RIMS3: variants seen among roughly 807,000 people sequenced by gnomAD.
The protein encoded by RIMS3 is regulating synaptic membrane exocytosis protein 3.
In RIMS3, 15 loss-of-function variants were observed where a neutral mutation model predicts 29.2. The observed-to-expected ratio is 0.51, with a 90% CI of 0.34 to 0.79. RIMS3 has a LOEUF of 0.79. Among genes scored for constraint, RIMS3 ranks in the 30% least tolerant of loss-of-function variants. The pLI is 0.01. For synonymous variants in RIMS3, 161 were observed against 170.1 expected (o/e 0.95, Z 0.41); for missense variants, 342 against 421.4 (o/e 0.81, Z 1.65).
chr1:40,625,914 C>T lies in RIMS3; in HGVS notation c.*603G>A, dbSNP rs568067001. ...GGTGGGCATGCTACATGCTGCAGAACGCATTCAGTGGCAGGAAGAGCTGCC... is the reference window on the plus strand; with the variant it reads ...GGTGGGCATGCTACATGCTGCAGAATGCATTCAGTGGCAGGAAGAGCTGCC... On this transcript the variant is annotated 3_prime_UTR_variant, in exon 8 of 8. Coordinates refer to ENST00000372684, the MANE Select transcript of RIMS3 (RefSeq NM_014747.3). 25 of 168,112 alleles carry T rather than the reference C, an allele frequency of 1.5e-4. No homozygotes were observed. The highest frequency in any genetic ancestry group is 4.8e-4 in the East Asian group (3 of 6,212). 10.4% of individuals were successfully genotyped at this position (168,112 alleles called of 1,614,324 possible).
At position 40,635,856 on chromosome 1, in the gene RIMS3, G is replaced by T; in HGVS notation, c.359+60C>A. ...GGGAGGCTTTCCCACCCTGCCCAGT[G>T]GCTCTGTGACTGGAGGACCGAGGAG... On this transcript the variant is annotated intron_variant, in intron 4 of 7. Coordinates refer to ENST00000372684, the MANE Select transcript of RIMS3 (RefSeq NM_014747.3). This position sits in a 1 kb window ranked among gnomAD's most constrained non-coding sequence, Gnocchi z 4.1. The T allele has an allele frequency of 1.9e-6, 3 of 1,591,694 alleles. No homozygotes were observed. Among genetic ancestry groups the T allele is most frequent in the South Asian group, 1.1e-5 (1 of 90,338 alleles).
intron 1 of RIMS3, among the ~76,000 whole-genome samples, chr1:40,655,152 C>T (rs916162903): frequency 6.6e-6 from 1 of 152,158 alleles, no homozygotes; most frequent in Non-Finnish European, 1.5e-5. Flanking sequence ...GTGGACAAAG[C>T]GGGGAGTAGG....
the RIMS3 span, chr1:40,691,962 T>G: frequency 3.2e-6 from 1 of 311,532 alleles, no homozygotes; most frequent in Admixed American, 4.8e-5. Flanking sequence ...AGACCTCACT[T>G]CCTCGCGCGG....
chr1:40,627,258 T>C (rs1646460031), intron 7 of RIMS3, among the ~76,000 whole-genome samples: 1 of 152,222 alleles, frequency 6.6e-6, no homozygotes, highest in Admixed American at 6.5e-5. Context: ...AGATGGAGTC[T>C]CACTCTGTTG....
At position 40,633,178 on chromosome 1, in the gene RIMS3, G is replaced by A. The variant is rs369405082; in HGVS notation, c.363C>T (p.Phe121=). 52 of 1,613,498 alleles carry A rather than the reference G, an allele frequency of 3.2e-5. No individual in the cohort carries two copies. The Middle Eastern group carries it at 4.9e-4, about 15-fold the overall frequency. ...STNSNSSDGT[F]IFPTTRLGAE... is the part of the protein sequence containing the mutation. ...CCCCTAGCCGGGTAGTGGGGAAGAT[G>A]AACCTGCAGGAGGAGGCAGAGGGAC... The change falls in exon 5 of 8, where the codon TTC becomes TTT. Residue 121 remains phenylalanine (F), a synonymous_variant. Coordinates refer to ENST00000372684, the MANE Select transcript of RIMS3 (RefSeq NM_014747.3).
In RIMS3 at chr1:40,650,450, C is replaced by G. The variant is rs551501674; in HGVS notation, c.-206-2608G>C. 2.6e-5 allele frequency among the ~76,000 whole-genome samples: 4 copies of G among 152,326 alleles called. No homozygotes were observed. In the East Asian group the frequency reaches 5.8e-4, roughly 22 times the overall value. On this transcript the variant is annotated intron_variant, in intron 1 of 7. Coordinates refer to ENST00000372684, the MANE Select transcript of RIMS3 (RefSeq NM_014747.3). ...GCAGGACAAAGGAGAAGGCCCTTGC[C>G]AAGGCCCACAAGCCCATGTGAACTG...
chr1:40,638,350 T>C (rs961101680), intron 3 of RIMS3, among the ~76,000 whole-genome samples: 5 of 152,174 alleles, frequency 3.3e-5, no homozygotes, highest in Admixed American at 2.0e-4. Context: ...ACTGGCTTCA[T>C]ACATGTCCAT....
the RIMS3 span, among the ~76,000 whole-genome samples, chr1:40,678,630 C>T: frequency 6.6e-6 from 1 of 152,298 alleles, no homozygotes; most frequent in African/African-American, 2.4e-5. Context: ...CTCCATAACA[C>T]AGTTCTAATA....
upstream of RIMS3, chr1:40,669,313 GTCTT>G (rs1195248155): frequency 1.3e-5 from 2 of 152,116 alleles, no homozygotes; most frequent in African/African-American, 4.8e-5. Flanking sequence ...AAAGTGACTT[GTCTT>G]TCTAAGTGGT....
chr1:40,631,463 A>T (rs962995719), intron 5 of RIMS3, among the ~76,000 whole-genome samples: 1 of 152,224 alleles, frequency 6.6e-6, no homozygotes, highest in Non-Finnish European at 1.5e-5. Flanking sequence ...GCCTGAGTTC[A>T]GGAGTTCAAG....
At position 40,625,591 on chromosome 1, in the gene RIMS3, G is replaced by T. The variant is rs1646447974; in HGVS notation, c.*926C>A. The T allele has an allele frequency of 6.6e-6, 1 of 152,230 alleles. No homozygotes were observed. The highest frequency in any genetic ancestry group is 2.4e-5 in the African/African-American group (1 of 41,428). 9.4% of individuals were successfully genotyped at this position (152,230 alleles called of 1,614,324 possible). ...GCCCACCAGGAATGAGCCCTGAGGG[G>T]GTCAGGGCCACCCTCAGGGCCTCAG... On this transcript the variant is annotated 3_prime_UTR_variant, in exon 8 of 8. Transcript: ENST00000372684.
At chr1:40,662,731 G>C (rs1642369832) in intron 1 of RIMS3, among the ~76,000 whole-genome samples, 2 of 152,352 alleles carry the variant, frequency 1.3e-5, no homozygotes, top group South Asian at 4.1e-4. Flanking sequence ...GCCAGCTCTA[G>C]ACTAGGTACT....
chr1:40,665,685 A>C (rs1191790903), upstream of RIMS3: 6 of 152,640 alleles, frequency 3.9e-5, no homozygotes, highest in Non-Finnish European at 7.3e-5. Context: ...TGCAAAGCCC[A>C]AGCTTGGGCC....
chr1:40,638,501 T>C (rs1360302467), intron 3 of RIMS3, among the ~76,000 whole-genome samples: 1 of 152,222 alleles, frequency 6.6e-6, no homozygotes, highest in African/African-American at 2.4e-5. Flanking sequence ...CCATCCCATC[T>C]GTCCCATCAC....
At chr1:40,670,171 A>G (rs1642473563), upstream of RIMS3, among the ~76,000 whole-genome samples, 1 of 152,222 alleles carries the variant, frequency 6.6e-6, no homozygotes, top group Non-Finnish European at 1.5e-5. Flanking sequence ...TTCATTCAAC[A>G]AATATCAAGT....
chr1:40,638,789 G>A (rs2148348754), intron 3 of RIMS3, among the ~76,000 whole-genome samples: 1 of 152,322 alleles, frequency 6.6e-6, no homozygotes, highest in East Asian at 1.9e-4. Flanking sequence ...CTTAGTGAAT[G>A]TCAGATCCAG....
chr1:40,626,046 T>C lies in RIMS3; in HGVS notation c.*471A>G. 5.6e-6 allele frequency: 1 copy of C among 177,974 alleles called. No homozygotes were observed. The highest frequency in any genetic ancestry group is 1.5e-4 in the East Asian group (1 of 6,756). The allele number at this position is 177,974 out of a possible 1,614,324, so 11.0% of individuals were successfully genotyped here. On this transcript the variant is annotated 3_prime_UTR_variant, in exon 8 of 8. Transcript: ENST00000372684. ...GTGGCAGAGCCGGGAGAGTCAAGAG[T>C]GGAACAAAAGACAAGACAGAAAACA...
chr1:40,627,084 C>T (rs1359899220), intron 7 of RIMS3, among the ~76,000 whole-genome samples: 1 of 152,138 alleles, frequency 6.6e-6, no homozygotes, highest in African/African-American at 2.4e-5. Flanking sequence ...ACTCCAGAGC[C>T]TCCCAGCATT....
the RIMS3 span, among the ~76,000 whole-genome samples, chr1:40,676,395 G>A: frequency 2.6e-4 from 40 of 152,306 alleles, no homozygotes; most frequent in Admixed American, 1.6e-3. Context: ...CCAAAATAGC[G>A]TGGTGGCTGG....
Sources: allele counts gnomAD v4.1 joint callset (sites outside exome capture counted in the v4.1 genomes callset), GRCh38; gene constraint gnomAD v4.1.1; non-coding constraint Gnocchi (gnomAD v3.1); transcripts MANE v1.5; gene names NCBI Gene and HGNC (gene_info 2026-07-23, HGNC 2026-07-21).